The following PRKAG2 variants were observed in gnomAD, a reference collection of about 807,000 sequenced individuals.
PRKAG2 encodes the protein protein kinase AMP-activated non-catalytic subunit gamma 2.
In PRKAG2, 26 loss-of-function variants were observed where a neutral mutation model predicts 69.6. The observed-to-expected ratio is 0.37, with a 90% CI of 0.27 to 0.52. The LOEUF (loss-of-function observed/expected upper bound fraction) is 0.52. PRKAG2 is among the 20% of genes least tolerant of loss of function. The pLI is 0.90. For missense variants in PRKAG2, 557 were observed against 740.0 expected (o/e 0.75, Z 2.87); for synonymous variants, 293 against 285.0 (o/e 1.03, Z -0.28).
chr7:151,731,003 C>G (rs1184469023), intron 3 of PRKAG2, among the ~76,000 whole-genome samples: 1 of 152,186 alleles, frequency 6.6e-6, no homozygotes, highest in African/African-American at 2.4e-5. Flanking sequence ...GCTTGGACTC[C>G]TGGCTCCAGT....
intron 3 of PRKAG2, among the ~76,000 whole-genome samples, chr7:151,731,372 T>C (rs1463210402): frequency 4.6e-5 from 7 of 152,206 alleles, no homozygotes; most frequent in Non-Finnish European, 7.3e-5. Flanking sequence ...GAGTCAGAGC[T>C]TCCAGGGGGC....
intron 3 of PRKAG2, among the ~76,000 whole-genome samples, chr7:151,695,302 G>C (rs1585832692): frequency 6.6e-6 from 1 of 152,310 alleles, no homozygotes; most frequent in Non-Finnish European, 1.5e-5. Context: ...CTGTCACCTT[G>C]ATCTTTGGGA....
chr7:151,610,979 C>T (rs1295972206), intron 5 of PRKAG2, among the ~76,000 whole-genome samples: 1 of 151,938 alleles, frequency 6.6e-6, no homozygotes, highest in Admixed American at 6.6e-5. Flanking sequence ...GGTTTTGAAC[C>T]TCTGACCGCA....
At chr7:151,605,446 A>G (rs1817278455) in intron 5 of PRKAG2, among the ~76,000 whole-genome samples, 1 of 151,912 alleles carries the variant, frequency 6.6e-6, no homozygotes, top group Non-Finnish European at 1.5e-5. Context: ...TTTAAATTAA[A>G]TTTTATGGCT....
chr7:151,838,409 C>T (rs182671784), intron 1 of PRKAG2, among the ~76,000 whole-genome samples: 95 of 152,102 alleles, frequency 6.2e-4, no homozygotes, highest in African/African-American at 2.2e-3. Flanking sequence ...TGACACAAGA[C>T]CACCAAGACA....
intron 1 of PRKAG2, among the ~76,000 whole-genome samples, chr7:151,852,324 G>A (rs929487493): frequency 6.6e-6 from 1 of 152,082 alleles, no homozygotes; most frequent in African/African-American, 2.4e-5. Context: ...GCGAAACCCC[G>A]TCTTTACTGA....
intron 3 of PRKAG2, among the ~76,000 whole-genome samples, chr7:151,691,019 A>C (rs1295776378): frequency 6.6e-6 from 1 of 152,202 alleles, no homozygotes; most frequent in Non-Finnish European, 1.5e-5. Context: ...AGCTCTTTAA[A>C]ATACGCCGTT....
At position 151,570,255 on chromosome 7, in the gene PRKAG2, A is replaced by G. The variant is rs369336302; in HGVS notation, c.1052-30T>C. 5.5e-5 allele frequency: 87 copies of G among 1,592,696 alleles called. No homozygotes were observed. In the African/African-American group the frequency reaches 1.0e-3, roughly 19 times the overall value. On this transcript the variant is annotated intron_variant, in intron 9 of 15. Transcript: ENST00000287878. ...ATTTATAGAAAGAAAATATGCAGTT[A>G]GTAACACATTTGCTGTTTGCAGTTA...
intron 1 of PRKAG2, chr7:151,810,874 A>G (rs1368203743): frequency 1.3e-5 from 2 of 153,682 alleles, no homozygotes; most frequent in African/African-American, 2.4e-5. Flanking sequence ...GTCAGAGCAC[A>G]GGGGGAGAGG....
intron 1 of PRKAG2, among the ~76,000 whole-genome samples, chr7:151,825,277 G>A (rs879306443): frequency 2.0e-5 from 3 of 152,180 alleles, no homozygotes; most frequent in Admixed American, 6.5e-5. Flanking sequence ...AATCAAATTC[G>A]AATTAAAGGG....
chr7:151,863,166 G>A (rs879336954), intron 1 of PRKAG2, among the ~76,000 whole-genome samples: 11 of 143,802 alleles, frequency 7.6e-5, no homozygotes, highest in Non-Finnish European at 1.2e-4. Context: ...TACAGGGGGC[G>A]CTGGTAGATC....
chr7:151,635,387 A>G (rs1171114318), intron 4 of PRKAG2, among the ~76,000 whole-genome samples: 1 of 152,264 alleles, frequency 6.6e-6, no homozygotes, highest in East Asian at 1.9e-4. Context: ...AAACTTGTAC[A>G]TGAATATTCA....
chr7:151,746,204 GGGGCAGGATTTCCAGT>G (rs2074274829), intron 3 of PRKAG2, among the ~76,000 whole-genome samples: 1 of 152,236 alleles, frequency 6.6e-6, no homozygotes, highest in Non-Finnish European at 1.5e-5. Flanking sequence ...TCTAGGCGAT[GGGGCAGGATTTCCAGT>G]GTCTGGACCT....
chr7:151,570,759 T>C lies in PRKAG2; in HGVS notation c.1052-534A>G, dbSNP rs1355478407. ...TCTGAAGATATCAACTGCAATTAATTTGCTTTTCCAAGGTTTCTTTTTTTT... is the reference window on the plus strand; with the variant it reads ...TCTGAAGATATCAACTGCAATTAATCTGCTTTTCCAAGGTTTCTTTTTTTT... On this transcript the variant is annotated intron_variant, in intron 9 of 15. Transcript: ENST00000287878. 2.6e-5 allele frequency among the ~76,000 whole-genome samples: 4 copies of C among 152,112 alleles called. No homozygotes were observed. The East Asian group carries it at 7.7e-4, about 29-fold the overall frequency.
At chr7:151,573,015 A>T (rs552007538) in intron 8 of PRKAG2, among the ~76,000 whole-genome samples, 10 of 152,226 alleles carry the variant, frequency 6.6e-5, no homozygotes, top group African/African-American at 2.4e-4. Flanking sequence ...CAGGAGGCTG[A>T]GGCAGGAGAA....
intron 1 of PRKAG2, among the ~76,000 whole-genome samples, chr7:151,854,327 A>G (rs1249157157): frequency 6.6e-6 from 1 of 152,200 alleles, no homozygotes; most frequent in East Asian, 1.9e-4. Context: ...ACATGCACAC[A>G]CACGTGTGCA....
chr7:151,676,809 C>G (rs1049943432), intron 3 of PRKAG2, among the ~76,000 whole-genome samples: 1 of 152,098 alleles, frequency 6.6e-6, no homozygotes, highest in African/African-American at 2.4e-5. Context: ...AGGGTGGGCC[C>G]TAATGCAATG....
intron 3 of PRKAG2, among the ~76,000 whole-genome samples, chr7:151,735,075 C>T (rs1186576318): frequency 2.0e-5 from 3 of 152,150 alleles, no homozygotes; most frequent in Admixed American, 6.5e-5. Context: ...AGGCTGGTCT[C>T]GAACTCCTGA....
chr7:151,831,245 A>G (rs556874389), intron 1 of PRKAG2, among the ~76,000 whole-genome samples: 1 of 152,288 alleles, frequency 6.6e-6, no homozygotes, highest in East Asian at 1.9e-4. Flanking sequence ...GTATATTCTC[A>G]AGAGAAATAA....
Sources: gnomAD v4.1 joint callset for allele counts (sites outside exome capture counted in the v4.1 genomes callset) on GRCh38, gnomAD v4.1.1 for gene constraint, MANE v1.5 for transcripts, NCBI Gene and HGNC (gene_info 2026-07-23, HGNC 2026-07-21) for gene names.